Variants in PDE1C observed in about 807,000 individuals in gnomAD.
PDE1C encodes the protein phosphodiesterase 1C, also known as dual specificity calcium/calmodulin-dependent 3',5'-cyclic nucleotide phosphodiesterase 1C.
PDE1C carries 62 observed loss-of-function variants against 93.1 expected under a neutral mutation model. The ratio of observed to expected loss-of-function variants is 0.67; its 90% confidence interval spans 0.54 to 0.82. PDE1C has a LOEUF of 0.82. Among genes scored for constraint, PDE1C ranks in the 40% least tolerant of loss-of-function variants. PDE1C has a pLI of 0.00. For synonymous variants in PDE1C, 325 were observed against 310.1 expected (o/e 1.05, Z -0.50); for missense variants, 742 against 884.6 (o/e 0.84, Z 2.04).
chr7:32,366,394 A>G (rs1784229378), intron 1 of PDE1C, among the ~76,000 whole-genome samples: 1 of 152,180 alleles, frequency 6.6e-6, no homozygotes, highest in African/African-American at 2.4e-5. Context: ...AGAAGGAAAA[A>G]GAATGAAGAA....
Position 32,377,134 on chromosome 7 carries a change from G to GA in PDE1C, c.310+50687dup, listed in dbSNP as rs1413256344. On this transcript the variant is annotated intron_variant, in intron 1 of 1. Coordinates refer to the PDE1C transcript ENST00000672256. The stretch of plus-strand genomic sequence containing the variant: ...CCCCAGTAAGGCTAGGGAATGAAAT[G>GA]AAAAAAAAATTAGACAACGACTCCA... Among the ~76,000 whole-genome samples, 7 of 150,710 alleles carry GA rather than the reference G, an allele frequency of 4.6e-5. No individual in the cohort carries two copies. In the East Asian group the frequency reaches 5.9e-4, roughly 13 times the overall value.
At chr7:31,717,050 AC>A in the PDE1C span, among the ~76,000 whole-genome samples, 1 of 152,240 alleles carries the variant, frequency 6.6e-6, no homozygotes, top group African/African-American at 2.4e-5. Flanking sequence ...AAACTTGGAA[AC>A]CTGACAATTT....
intron 1 of PDE1C, among the ~76,000 whole-genome samples, chr7:32,236,593 C>A (rs1183092050): frequency 1.3e-5 from 2 of 152,042 alleles, no homozygotes; most frequent in African/African-American, 4.8e-5. Flanking sequence ...CAATTAAAAC[C>A]ACCGTGCGAT....
the PDE1C span, among the ~76,000 whole-genome samples, chr7:31,732,605 A>C: frequency 1.5e-5 from 2 of 134,416 alleles, no homozygotes; most frequent in African/African-American, 6.6e-5. Context: ...CAATTCCTTT[A>C]AATCTTTCTC....
At chr7:31,967,619 C>G (rs959928667) in intron 2 of PDE1C, among the ~76,000 whole-genome samples, 1 of 152,196 alleles carries the variant, frequency 6.6e-6, no homozygotes, top group Non-Finnish European at 1.5e-5. Flanking sequence ...ATGAGGCCAG[C>G]ATCATCCTGA....
Position 32,000,091 on chromosome 7 carries a change from C to T in PDE1C, c.128+51463G>A, listed in dbSNP as rs117976853. ...AAGGGAGATACCCACACCTACCTCACGGTCACTGTGAGGATTAAATGACAG... is the reference window on the plus strand; with the variant it reads ...AAGGGAGATACCCACACCTACCTCATGGTCACTGTGAGGATTAAATGACAG... On this transcript the variant is annotated intron_variant, in intron 2 of 17. Coordinates refer to ENST00000396191, the MANE Select transcript of PDE1C (RefSeq NM_001191057.4). Among the ~76,000 whole-genome samples, 605 of 152,310 alleles carry T rather than the reference C, an allele frequency of 4.0e-3. 2 individuals carry two copies. The highest frequency in any genetic ancestry group is 6.8e-3 in the Non-Finnish European group (463 of 68,036).
At chr7:31,702,436 C>A in the PDE1C span, among the ~76,000 whole-genome samples, 1 of 152,044 alleles carries the variant, frequency 6.6e-6, no homozygotes, top group East Asian at 1.9e-4. Context: ...CTAGGTTAAT[C>A]CTCTACTCCA....
In PDE1C at chr7:32,150,837, C is replaced by T. The variant is rs565550724; in HGVS notation, c.308+18948G>A. 6.7e-3 allele frequency among the ~76,000 whole-genome samples: 1,022 copies of T among 152,242 alleles called. 10 individuals are homozygous for T. Among genetic ancestry groups the T allele is most frequent in the Non-Finnish European group, 7.4e-3 (500 of 68,020 alleles). ...GTAGTCCACCAGCAGGGGCCTAGCTCCATGCTGAGCTTTAAGTACAGTATC... is the reference window on the plus strand; with the variant it reads ...GTAGTCCACCAGCAGGGGCCTAGCTTCATGCTGAGCTTTAAGTACAGTATC... On this transcript the variant is annotated intron_variant, in intron 3 of 18. Coordinates refer to the PDE1C transcript ENST00000396193.
At chr7:31,742,378 T>C in the PDE1C span, among the ~76,000 whole-genome samples, 2 of 152,220 alleles carry the variant, frequency 1.3e-5, no homozygotes, top group Non-Finnish European at 2.9e-5. Context: ...TTCTTATGAA[T>C]TAGAGCCTTG....
intron 2 of PDE1C, chr7:32,209,447 T>C (rs1805846961): frequency 6.6e-7 from 1 of 1,511,970 alleles, no homozygotes; most frequent in African/African-American, 1.4e-5. Flanking sequence ...GAGAACATTT[T>C]CTGATGGAGA....
chr7:32,291,278 C>A (rs894004038), intron 1 of PDE1C, among the ~76,000 whole-genome samples: 5 of 152,222 alleles, frequency 3.3e-5, no homozygotes, highest in African/African-American at 1.2e-4. Context: ...TCAAATCCAA[C>A]AAGCATTTAT....
intron 1 of PDE1C, among the ~76,000 whole-genome samples, chr7:32,267,712 A>T (rs17161124): frequency 0.12 from 17,697 of 151,816 alleles, 1,182 homozygotes; most frequent in African/African-American, 0.16. Flanking sequence ...GGCATGGAAC[A>T]TCACAATGAG....
intron 2 of PDE1C, among the ~76,000 whole-genome samples, chr7:32,048,295 T>C (rs890216046): frequency 5.9e-5 from 9 of 152,200 alleles, no homozygotes; most frequent in African/African-American, 1.2e-4. Flanking sequence ...GGTTCAGTGA[T>C]AGCTTGACCA....
chr7:31,658,824 A>G, the PDE1C span: 2 of 152,608 alleles, frequency 1.3e-5, no homozygotes, highest in Non-Finnish European at 1.5e-5. Context: ...TTCAGATCAT[A>G]AGAATCAAAT....
At chr7:31,747,923 G>C (rs1338965446), downstream of PDE1C, among the ~76,000 whole-genome samples, 1 of 151,642 alleles carries the variant, frequency 6.6e-6, no homozygotes, top group East Asian at 1.9e-4. Context: ...GAGCAAGAAA[G>C]GATTATAAAA....
chr7:31,621,553 T>A, the PDE1C span, among the ~76,000 whole-genome samples: 3 of 147,134 alleles, frequency 2.0e-5, no homozygotes, highest in East Asian at 5.9e-4. Context: ...GACAAGCAAA[T>A]GCTGAGAGAT....
chr7:31,838,033 G>GTT, intron 9 of PDE1C, 62 bp from the exon 10 acceptor site: 61 of 954,030 alleles, frequency 6.4e-5, no homozygotes, highest in Non-Finnish European at 8.5e-5. Flanking sequence ...AAAAATCAGT[G>GTT]TTTTTTTTTT....
At chr7:32,206,553 G>A (rs1007352289) in intron 2 of PDE1C, among the ~76,000 whole-genome samples, 5 of 152,166 alleles carry the variant, frequency 3.3e-5, no homozygotes, top group African/African-American at 1.2e-4. Flanking sequence ...GAGCCACAGT[G>A]GGTTCCAGGA....
chr7:32,000,993 CGTGTGTGTGT>C (rs34671338), intron 2 of PDE1C, among the ~76,000 whole-genome samples: 1 of 149,072 alleles, frequency 6.7e-6, no homozygotes, highest in Non-Finnish European at 1.5e-5. Flanking sequence ...TGTGTGTATA[CGTGTGTGTGT>C]GTGTGTGTGT....
Sources: gnomAD v4.1 joint callset for allele counts (sites outside exome capture counted in the v4.1 genomes callset) on GRCh38, gnomAD v4.1.1 for gene constraint, MANE v1.5 for transcripts, NCBI Gene and HGNC (gene_info 2026-07-23, HGNC 2026-07-21) for gene names.